NINJ2: variants seen among roughly 807,000 people sequenced by gnomAD.
NINJ2 encodes ninjurin-2.
In NINJ2, 12 loss-of-function variants were observed where a neutral mutation model predicts 11.7. The observed-to-expected ratio is 1.02, with a 90% CI of 0.66 to 1.66. The LOEUF is 1.66. Ranked by LOEUF, NINJ2 falls within the 40% of genes most tolerant of loss-of-function variation. The probability of loss-of-function intolerance (pLI) is 0.00; values close to 1 mark genes in which losing one functional copy is unlikely to be tolerated. For synonymous variants in NINJ2, 93 were observed against 76.8 expected, an observed-to-expected ratio of 1.21 and a Z score of -1.10; for missense variants, 187 against 181.8, an observed-to-expected ratio of 1.03 and a Z score of -0.16.
chr12:594,618 T>C (rs185833664), intron 1 of NINJ2, among the ~76,000 whole-genome samples: 328 of 151,650 alleles, frequency 2.2e-3, no homozygotes, highest in African/African-American at 7.7e-3. Flanking sequence ...CAAGATCCCA[T>C]CTCAATTTTT....
intron 1 of NINJ2, among the ~76,000 whole-genome samples, chr12:570,003 G>C (rs555920410): frequency 5.3e-5 from 8 of 152,228 alleles, no homozygotes; most frequent in Admixed American, 3.3e-4. Flanking sequence ...AGGAACCCAC[G>C]CGCAGGACGG....
intron 1 of NINJ2, among the ~76,000 whole-genome samples, chr12:615,965 C>T (rs1490972995): frequency 6.6e-6 from 1 of 152,144 alleles, no homozygotes; most frequent in African/African-American, 2.4e-5. Flanking sequence ...GAATATCATT[C>T]CAGGGGGTTT....
In NINJ2 at chr12:580,826, G is replaced by A. The variant is rs563461708; in HGVS notation, c.34-14648C>T. The stretch of plus-strand genomic sequence containing the variant: ...TGTGTGTCTGTGTGTATGCGTGTGT[G>A]TCTGTGTGTATGCATGTGTGTCTGT... On this transcript the variant is annotated intron_variant, in intron 1 of 3. Transcript: ENST00000305108. The surrounding 1 kb of genome is among the most constrained non-coding windows in gnomAD (Gnocchi z 4.7). Among the ~76,000 whole-genome samples, 6 of 151,976 alleles carry A rather than the reference G, an allele frequency of 3.9e-5. No individual in the cohort carries two copies. The highest frequency in any genetic ancestry group is 1.9e-4 in the East Asian group (1 of 5,180).
intron 1 of NINJ2, among the ~76,000 whole-genome samples, chr12:577,188 A>G (rs912127919): frequency 1.3e-5 from 2 of 151,926 alleles, no homozygotes; most frequent in African/African-American, 4.8e-5. Flanking sequence ...TATTCAATAA[A>G]TTACACAAGA....
chr12:625,133 G>T (rs1048909185), intron 1 of NINJ2, among the ~76,000 whole-genome samples: 16 of 145,416 alleles, frequency 1.1e-4, no homozygotes, highest in South Asian at 2.2e-4. Flanking sequence ...TATATATATA[G>T]ATATATAGAT....
rs1418382262 is a variant in NINJ2, at chr12:643,568, C to T, written c.33+19760G>A. 4.0e-6 allele frequency: 4 copies of T among 987,958 alleles called. No homozygotes were observed. In the African/African-American group the frequency reaches 7.0e-5, roughly 17 times the overall value. The allele number at this position is 987,958 out of a possible 1,614,324, so 61.2% of individuals were successfully genotyped here. The stretch of plus-strand genomic sequence containing the variant: ...TGTGGGGCGTGTCGTCATTTTAGGG[C>T]TGGAGATGAGGAAACCGAGGCTCGG... On this transcript the variant is annotated intron_variant, in intron 1 of 3. Coordinates refer to ENST00000305108, the MANE Select transcript of NINJ2 (RefSeq NM_016533.6).
chr12:627,819 C>T (rs1475784777), intron 1 of NINJ2, among the ~76,000 whole-genome samples: 1 of 152,226 alleles, frequency 6.6e-6, no homozygotes, highest in Non-Finnish European at 1.5e-5. Context: ...TGGTGCATGC[C>T]TGTAATCCCA....
At chr12:610,727 T>TTA in intron 1 of NINJ2, 271 of 464,756 alleles carry the variant, frequency 5.8e-4, no homozygotes, top group Non-Finnish European at 6.8e-4. Context: ...TGGAAATCTA[T>TTA]TCTTTTTTTT....
chr12:567,834 C>T (rs998915006), intron 1 of NINJ2, among the ~76,000 whole-genome samples: 19 of 152,068 alleles, frequency 1.2e-4, no homozygotes, highest in East Asian at 1.9e-4. Flanking sequence ...GGCAAAATCC[C>T]GTCTCTACTA....
At chr12:582,354 A>T (rs78748175) in intron 1 of NINJ2, among the ~76,000 whole-genome samples, 13 of 107,192 alleles carry the variant, frequency 1.2e-4, no homozygotes, top group South Asian at 3.7e-4. Context: ...GGCATGCTAG[A>T]GTGAATGAAT....
chr12:626,509 C>T (rs1191659441), intron 1 of NINJ2, among the ~76,000 whole-genome samples: 2 of 152,210 alleles, frequency 1.3e-5, no homozygotes, highest in Non-Finnish European at 2.9e-5. Flanking sequence ...TGCCTCCTAC[C>T]AGTGCCTGCT....
intron 1 of NINJ2, among the ~76,000 whole-genome samples, chr12:662,130 AGCTGAGACCTGAATGTACTAGGAAGG>A (rs1412612594): frequency 1.3e-5 from 2 of 152,238 alleles, no homozygotes; most frequent in African/African-American, 2.4e-5. Flanking sequence ...GTAACATTTG[AGCTGAGACCTGAATGTACTAGGAAGG>A]GCCAGCCAGG....
chr12:592,469 G>C (rs1489147360), intron 1 of NINJ2, among the ~76,000 whole-genome samples: 1 of 152,240 alleles, frequency 6.6e-6, no homozygotes, highest in East Asian at 1.9e-4. Flanking sequence ...GGGAAGTCGA[G>C]GCTGGCGGAT....
intron 1 of NINJ2, among the ~76,000 whole-genome samples, chr12:657,938 A>ATCT (rs1565650893): frequency 6.8e-6 from 1 of 146,828 alleles, no homozygotes. Flanking sequence ...AATCCTTGGT[A>ATCT]TCTTCCCAAA....
chr12:629,896 A>AAAAAAAAAAAATATATATAT, intron 1 of NINJ2, among the ~76,000 whole-genome samples: 7 of 9,896 alleles, frequency 7.1e-4, no homozygotes, highest in Non-Finnish European at 1.4e-3. Context: ...AAAAAAAAAA[A>AAAAAAAAAAAATATATATAT]ATATATATAT....
chr12:635,054 T>A (rs1270339560), intron 1 of NINJ2, among the ~76,000 whole-genome samples: 1 of 125,154 alleles, frequency 8.0e-6, no homozygotes, highest in Non-Finnish European at 1.7e-5. Context: ...CCCCATATAC[T>A]TTTTTTTTTT....
chr12:593,035 A>C (rs2120878822), intron 1 of NINJ2, among the ~76,000 whole-genome samples: 1 of 152,300 alleles, frequency 6.6e-6, no homozygotes, highest in East Asian at 1.9e-4. Context: ...TCAAGAAAAA[A>C]ACAGGGAAAA....
chr12:636,862 A>G (rs1276049185), intron 1 of NINJ2, among the ~76,000 whole-genome samples: 1 of 152,240 alleles, frequency 6.6e-6, no homozygotes, highest in African/African-American at 2.4e-5. Context: ...TTAGAGAATT[A>G]CCATATGACT....
In NINJ2 at chr12:641,252, G is replaced by T. The variant is rs34893244; in HGVS notation, c.33+22076C>A. The stretch of plus-strand genomic sequence containing the variant: ...ACAGCCCTACCTTCCCACTTGGAAG[G>T]GGGAATGGGAAAGTGGCTGCACTGA... On this transcript the variant is annotated intron_variant, in intron 1 of 3. Coordinates refer to ENST00000305108, the MANE Select transcript of NINJ2 (RefSeq NM_016533.6). 8.5e-3 allele frequency among the ~76,000 whole-genome samples: 1,299 copies of T among 152,216 alleles called. 8 individuals are homozygous for T. Among genetic ancestry groups the T allele is most frequent in the Non-Finnish European group, 0.013 (896 of 68,002 alleles).
Sources: allele counts gnomAD v4.1 joint callset (sites outside exome capture counted in the v4.1 genomes callset), GRCh38; gene constraint gnomAD v4.1.1; non-coding constraint Gnocchi (gnomAD v3.1); transcripts MANE v1.5; gene names NCBI Gene and HGNC (gene_info 2026-07-23, HGNC 2026-07-21).